CSMD1: variants seen among roughly 807,000 people sequenced by gnomAD.
CSMD1 encodes CUB and sushi domain-containing protein 1.
In CSMD1, 213 loss-of-function variants were observed where a neutral mutation model predicts 417.5. The observed-to-expected ratio is 0.51, with a 90% CI of 0.46 to 0.57. The LOEUF is 0.57. CSMD1 is among the 20% of genes least tolerant of loss of function. The probability of loss-of-function intolerance (pLI) is 0.00; values close to 1 mark genes in which losing one functional copy is unlikely to be tolerated. For missense variants in CSMD1, 6,923 were observed against 4,529.7 expected (o/e 1.53, Z -15.17); for synonymous variants, 2,862 against 1,736.8 (o/e 1.65, Z -16.11).
At chr8:4,615,190 A>T (rs1801406257) in intron 2 of CSMD1, among the ~76,000 whole-genome samples, 1 of 152,176 alleles carries the variant, frequency 6.6e-6, no homozygotes, top group Non-Finnish European at 1.5e-5. Flanking sequence ...TACACTCTCC[A>T]TGCAAAGAGA....
chr8:3,809,695 C>A (rs955114076), intron 5 of CSMD1, among the ~76,000 whole-genome samples: 1 of 152,226 alleles, frequency 6.6e-6, no homozygotes, highest in African/African-American at 2.4e-5. Flanking sequence ...AACCACACTT[C>A]CAGAGACACT....
chr8:4,423,689 G>A lies in CSMD1; in HGVS notation c.303-3624C>T, dbSNP rs555679593. Among the ~76,000 whole-genome samples the A allele has an allele frequency of 2.0e-5, 3 of 151,820 alleles. No homozygotes were observed. The East Asian group carries it at 5.8e-4, about 29-fold the overall frequency. ...CCAAAATCCCAGCAAGAATTTTTGG[G>A]TATATAGCAAGATCTTTCTAAAATT... On this transcript the variant is annotated intron_variant, in intron 2 of 69. Transcript: ENST00000635120.
intron 5 of CSMD1, among the ~76,000 whole-genome samples, chr8:3,976,602 A>C (rs951130230): frequency 2.0e-5 from 3 of 152,236 alleles, no homozygotes; most frequent in Non-Finnish European, 2.9e-5. Flanking sequence ...GATTTGCATA[A>C]GCATTAATTA....
At chr8:3,436,945 G>A (rs979301025) in intron 12 of CSMD1, among the ~76,000 whole-genome samples, 2 of 151,928 alleles carry the variant, frequency 1.3e-5, no homozygotes, top group East Asian at 3.9e-4. Context: ...AGAGTGTGAA[G>A]CTAAAAAAAA....
intron 12 of CSMD1, among the ~76,000 whole-genome samples, chr8:3,450,972 A>T (rs997956883): frequency 4.4e-4 from 67 of 152,218 alleles, no homozygotes; most frequent in African/African-American, 1.5e-3. Context: ...CCTCTCCAGC[A>T]CCTGTTGTTT....
At chr8:3,884,632 C>T (rs146294085) in intron 5 of CSMD1, among the ~76,000 whole-genome samples, 2 of 152,050 alleles carry the variant, frequency 1.3e-5, no homozygotes, top group Non-Finnish European at 2.9e-5. Context: ...AACAAAAAGA[C>T]GTTACTTAAT....
intron 2 of CSMD1, among the ~76,000 whole-genome samples, chr8:4,616,535 C>T (rs1203394186): frequency 6.6e-6 from 1 of 152,194 alleles, no homozygotes; most frequent in Non-Finnish European, 1.5e-5. Context: ...TTCTCATTCT[C>T]TCATGCCAGC....
At chr8:3,476,221 C>A (rs556925760) in intron 11 of CSMD1, among the ~76,000 whole-genome samples, 3 of 152,290 alleles carry the variant, frequency 2.0e-5, no homozygotes, top group Admixed American at 6.5e-5. Flanking sequence ...TGGATAACAC[C>A]TATCTCTGAC....
At chr8:3,307,294 C>G (rs1804947924) in intron 25 of CSMD1, among the ~76,000 whole-genome samples, 1 of 151,922 alleles carries the variant, frequency 6.6e-6, no homozygotes, top group Non-Finnish European at 1.5e-5. Context: ...TGTGCAGGGG[C>G]TCCTGCTTTC....
At chr8:4,089,155 A>G (rs1407885858) in intron 3 of CSMD1, among the ~76,000 whole-genome samples, 1 of 152,216 alleles carries the variant, frequency 6.6e-6, no homozygotes, top group Non-Finnish European at 1.5e-5. Context: ...TTGCTTGGCA[A>G]GACATTCCCC....
chr8:4,554,476 A>C (rs1257673204), intron 2 of CSMD1, among the ~76,000 whole-genome samples: 1 of 152,116 alleles, frequency 6.6e-6, no homozygotes, highest in African/African-American at 2.4e-5. Flanking sequence ...TTCACGTAAT[A>C]ATTTGAGAAT....
intron 26 of CSMD1, among the ~76,000 whole-genome samples, chr8:3,249,799 G>A (rs879769558): frequency 2.0e-5 from 3 of 152,004 alleles, no homozygotes; most frequent in African/African-American, 7.3e-5. Flanking sequence ...ACTTCATTAG[G>A]GAAAACTTTG....
At chr8:3,872,255 T>A (rs1433390946) in intron 5 of CSMD1, among the ~76,000 whole-genome samples, 1 of 152,140 alleles carries the variant, frequency 6.6e-6, no homozygotes, top group African/African-American at 2.4e-5. Context: ...GGGAAAAGGG[T>A]TCTTCTGTGA....
At chr8:3,203,838 G>T (rs1355884482) in intron 31 of CSMD1, among the ~76,000 whole-genome samples, 1 of 152,098 alleles carries the variant, frequency 6.6e-6, no homozygotes, top group Non-Finnish European at 1.5e-5. Context: ...TAATAATATC[G>T]CTTCGCATTT....
At chr8:3,287,362 G>T (rs1472789035) in intron 25 of CSMD1, among the ~76,000 whole-genome samples, 1 of 152,070 alleles carries the variant, frequency 6.6e-6, no homozygotes, top group Non-Finnish European at 1.5e-5. Flanking sequence ...ACTTGAAGGG[G>T]ATGGCATTGA....
chr8:3,491,498 G>C (rs1216558606), intron 11 of CSMD1, among the ~76,000 whole-genome samples: 1 of 152,120 alleles, frequency 6.6e-6, no homozygotes, highest in Non-Finnish European at 1.5e-5. Context: ...ATAAGTTGTG[G>C]TCCAGCAACA....
At chr8:3,100,048 A>G (rs1815617042) in intron 46 of CSMD1, among the ~76,000 whole-genome samples, 1 of 81,988 alleles carries the variant, frequency 1.2e-5, no homozygotes, top group Non-Finnish European at 2.7e-5. Context: ...TTTGTTTTTT[A>G]ACTTGTTTGT....
chr8:3,761,390 G>C (rs948470922), intron 5 of CSMD1, among the ~76,000 whole-genome samples: 3 of 151,480 alleles, frequency 2.0e-5, no homozygotes, highest in Non-Finnish European at 2.9e-5. Flanking sequence ...ATACTATCTG[G>C]GGAAAAACAA....
chr8:4,541,477 G>C (rs113766590), intron 2 of CSMD1, among the ~76,000 whole-genome samples: 1 of 152,234 alleles, frequency 6.6e-6, no homozygotes, highest in South Asian at 2.1e-4. Flanking sequence ...GGTAGGCGTC[G>C]TGGCTCACAC....
Sources: allele counts gnomAD v4.1 joint callset (sites outside exome capture counted in the v4.1 genomes callset), GRCh38; gene constraint gnomAD v4.1.1; transcripts MANE v1.5; gene names NCBI Gene and HGNC (gene_info 2026-07-23, HGNC 2026-07-21).